VAV3: variants seen among roughly 807,000 people sequenced by gnomAD.
VAV3 encodes vav guanine nucleotide exchange factor 3.
Under a neutral mutation model 131.2 loss-of-function variants are expected in VAV3, and 94 were observed. The ratio of observed to expected loss-of-function variants is 0.72; its 90% CI spans 0.61 to 0.85. The LOEUF (loss-of-function observed/expected upper bound fraction) is 0.85, where lower values mean the gene tolerates loss of function less well. VAV3 is among the 40% of genes least tolerant of loss of function. The pLI is 0.00. For missense variants in VAV3, 939 were observed against 1,002.7 expected (o/e 0.94, Z 0.86); for synonymous variants, 349 against 342.0 (o/e 1.02, Z -0.22).
rs1175487906 is a variant in VAV3 at position 107,574,101 on chromosome 1, C to A, written c.2448G>T (p.Lys816Asn). Residue 816 changes from lysine (K) to asparagine (N), a missense_variant, in exon 26 of 27, where the codon AAG becomes AAT. By Grantham distance (94) the Lys-to-Asn change is moderately conservative (BLOSUM62 0). Coordinates refer to ENST00000370056, the MANE Select transcript of VAV3 (RefSeq NM_006113.5). ...ELSLLKGDVV[K>N]IYTKMSANGW... ...CATTTGCACTCATCTTTGTGTAAAT[C>A]TTCACCACATCTCCTTTCAACAAGG... 12 of 1,614,062 alleles carry A rather than the reference C, an allele frequency of 7.4e-6. No individual in the cohort carries two copies. The highest frequency in any genetic ancestry group is 8.5e-6 in the Non-Finnish European group (10 of 1,180,046).
intron 25 of VAV3, among the ~76,000 whole-genome samples, chr1:107,575,943 G>T (rs763301413): frequency 4.1e-4 from 62 of 152,024 alleles, no homozygotes; most frequent in Admixed American, 2.0e-3. Context: ...AGAATTCATG[G>T]GCGCCAGTCA....
At chr1:107,960,393 G>A (rs937437415) in intron 1 of VAV3, among the ~76,000 whole-genome samples, 1 of 151,966 alleles carries the variant, frequency 6.6e-6, no homozygotes, top group Non-Finnish European at 1.5e-5. Flanking sequence ...TTGAGCCTGG[G>A]AGGCGGAGGT....
intron 1 of VAV3, among the ~76,000 whole-genome samples, chr1:107,884,651 T>C (rs1376466908): frequency 6.6e-6 from 1 of 151,812 alleles, no homozygotes; most frequent in African/African-American, 2.4e-5. Flanking sequence ...GGTCTCACTA[T>C]GTTTCCCAGT....
rs1660334386 is a variant in VAV3, at chr1:107,704,626, T to A, written c.1629A>T (p.Leu543Phe). 1 of 1,613,574 alleles carries A rather than the reference T, an allele frequency of 6.2e-7. No individual in the cohort carries two copies. Among genetic ancestry groups the A allele is most frequent in the Admixed American group, 1.7e-5 (1 of 59,964 alleles). ...LLRGTFYQGY[L>F]CFKCGARAHK... ...GTGCTCTCGCTCCACACTTAAAACA[T>A]AAATAGCCTTGATAAAATGTTCCCC... The change falls in exon 17 of 27, where the codon TTA (leucine) becomes TTT (phenylalanine). Residue 543 changes from leucine (L) to phenylalanine (F), a missense_variant. Transcript: ENST00000370056.
intron 2 of VAV3, among the ~76,000 whole-genome samples, chr1:107,828,281 T>C (rs765656567): frequency 6.6e-6 from 1 of 152,130 alleles, no homozygotes; most frequent in Non-Finnish European, 1.5e-5. Flanking sequence ...GATTCAGTGA[T>C]ATAAAGGGCA....
At chr1:107,712,666 A>G (rs928478034) in intron 15 of VAV3, among the ~76,000 whole-genome samples, 3 of 152,224 alleles carry the variant, frequency 2.0e-5, no homozygotes, top group Non-Finnish European at 4.4e-5. Context: ...AAAAAATAAA[A>G]TGCTCATTTA....
intron 15 of VAV3, among the ~76,000 whole-genome samples, chr1:107,709,740 C>A (rs144317651): frequency 1.0e-3 from 156 of 152,252 alleles, no homozygotes; most frequent in African/African-American, 3.7e-3. Context: ...GGGGCTGCCC[C>A]CTTCACTGGG....
chr1:107,825,878 TGC>T (rs1040551438), intron 2 of VAV3, among the ~76,000 whole-genome samples: 10 of 152,198 alleles, frequency 6.6e-5, no homozygotes, highest in Admixed American at 5.9e-4. Context: ...TACCAAATAC[TGC>T]CTTACAATGT....
chr1:107,576,552 C>A, intron 25 of VAV3: 1 of 1,170,734 alleles, frequency 8.5e-7, no homozygotes, highest in South Asian at 1.7e-5. Flanking sequence ...CAACCATTTT[C>A]ACCCACTTCT....
chr1:107,653,761 T>A (rs546738441), intron 19 of VAV3, among the ~76,000 whole-genome samples: 1 of 151,544 alleles, frequency 6.6e-6, no homozygotes, highest in Non-Finnish European at 1.5e-5. Flanking sequence ...TGTGTCTTCA[T>A]TTTTTGAAAA....
chr1:107,886,940 C>G (rs184330977), intron 1 of VAV3, among the ~76,000 whole-genome samples: 2 of 152,082 alleles, frequency 1.3e-5, no homozygotes, highest in East Asian at 3.9e-4. Context: ...CATCCAAAAG[C>G]ATTACATTAA....
intron 15 of VAV3, among the ~76,000 whole-genome samples, chr1:107,722,033 G>A (rs1186340907): frequency 2.0e-5 from 3 of 152,184 alleles, no homozygotes; most frequent in Non-Finnish European, 2.9e-5. Flanking sequence ...CCTGAGATTT[G>A]GGCTGGACTT....
chr1:107,711,289 T>G (rs1020573663), intron 15 of VAV3, among the ~76,000 whole-genome samples: 1 of 152,198 alleles, frequency 6.6e-6, no homozygotes, highest in Non-Finnish European at 1.5e-5. Context: ...AGCATCTCTG[T>G]CTGGAAAAAT....
intron 15 of VAV3, among the ~76,000 whole-genome samples, chr1:107,734,742 C>T (rs1662484521): frequency 6.6e-6 from 1 of 152,186 alleles, no homozygotes; most frequent in South Asian, 2.1e-4. Context: ...GAGACTTAGA[C>T]TCCCACACAA....
chr1:107,943,334 A>C (rs1253165523), intron 1 of VAV3, among the ~76,000 whole-genome samples: 1 of 152,150 alleles, frequency 6.6e-6, no homozygotes. Flanking sequence ...AGATTTGTAG[A>C]TAAACTACAA....
Position 107,693,145 on chromosome 1 carries a change from T to C in VAV3, c.1706-4739A>G, listed in dbSNP as rs994661944. Reference sequence around the variant, plus strand: ...AGTGGAGTTCATACCTATTCATTATTAACGTTGGAAAGTTTTGGCATGCAC... The same window carrying C: ...AGTGGAGTTCATACCTATTCATTATCAACGTTGGAAAGTTTTGGCATGCAC... On this transcript the variant is annotated intron_variant, in intron 17 of 26. Coordinates refer to ENST00000370056, the MANE Select transcript of VAV3 (RefSeq NM_006113.5). Among the ~76,000 whole-genome samples the C allele has an allele frequency of 4.6e-5, 7 of 152,270 alleles. No homozygotes were observed. In the South Asian group the frequency reaches 8.3e-4, roughly 18 times the overall value.
intron 1 of VAV3, among the ~76,000 whole-genome samples, chr1:107,947,840 A>T (rs1674342994): frequency 6.6e-6 from 1 of 152,230 alleles, no homozygotes. Context: ...CTCAATGACC[A>T]TTCATGGGAG....
intron 1 of VAV3, among the ~76,000 whole-genome samples, chr1:107,891,729 C>T (rs557849071): frequency 1.9e-3 from 286 of 150,116 alleles, no homozygotes; most frequent in African/African-American, 6.6e-3. Flanking sequence ...ATCCCAGCTA[C>T]TTGGGAGGTT....
intron 20 of VAV3, among the ~76,000 whole-genome samples, chr1:107,620,120 T>C (rs147577639): frequency 1.3e-5 from 2 of 152,266 alleles, no homozygotes; most frequent in African/African-American, 4.8e-5. Context: ...AGACTGTGAG[T>C]TCCTTGGCAT....
Sources: gnomAD v4.1 joint callset for allele counts (sites outside exome capture counted in the v4.1 genomes callset) on GRCh38, gnomAD v4.1.1 for gene constraint, MANE v1.5 for transcripts, NCBI Gene and HGNC (gene_info 2026-07-23, HGNC 2026-07-21) for gene names.